CSF1R: variants seen among roughly 807,000 people sequenced by gnomAD.
CSF1R encodes the protein colony stimulating factor 1 receptor.
Under a neutral mutation model 110.0 loss-of-function variants are expected in CSF1R, and 40 were observed. The observed-to-expected ratio is 0.36, with a 90% confidence interval of 0.28 to 0.47. The LOEUF is 0.47. CSF1R is among the 20% of genes least tolerant of loss of function. CSF1R has a pLI of 0.99. For synonymous variants in CSF1R, 523 were observed against 503.4 expected, an observed-to-expected ratio of 1.04 and a Z score of -0.52; for missense variants, 1,052 against 1,253.0, an observed-to-expected ratio of 0.84 and a Z score of 2.42.
Position 150,059,817 on chromosome 5 carries a change from A to T in CSF1R, c.2015T>A (p.Leu672His), listed in dbSNP as rs757995511. 8 of 1,613,988 alleles carry T rather than the reference A, an allele frequency of 5.0e-6. No individual in the cohort carries two copies. The highest frequency in any genetic ancestry group is 6.8e-6 in the Non-Finnish European group (8 of 1,180,036). ...CTCAGCCTTCCTTCGCAGAAAGTTG[A>T]GCAGGTCGCCATAGCAACAGTACTC... ...ITEYCCYGDL[L>H]NFLRRKAEAM... The change falls in exon 14 of 21, where the codon CTC becomes CAC. Residue 672 changes from leucine to histidine, a missense_variant. Leu to His is a moderately conservative substitution (Grantham distance 99). Coordinates refer to ENST00000675795, the MANE Select transcript of CSF1R (RefSeq NM_001288705.3).
At chr5:150,106,615 T>C (rs1291495894) in intron 1 of CSF1R, among the ~76,000 whole-genome samples, 1 of 152,180 alleles carries the variant, frequency 6.6e-6, no homozygotes, top group South Asian at 2.1e-4. Flanking sequence ...AGTGTCTGAA[T>C]TGGAGTACTA....
At chr5:150,055,864 G>A (rs756039673) in intron 18 of CSF1R, among the ~76,000 whole-genome samples, 162 bp downstream of exon 18, 25 of 152,240 alleles carry the variant, frequency 1.6e-4, no homozygotes, top group African/African-American at 5.5e-4. Flanking sequence ...AGGGTCTGCC[G>A]AGTCCCGCAG....
In CSF1R at chr5:150,077,263, C is replaced by T; in HGVS notation, c.889+13G>A. ...GATCCCTACCGACTGTCCACCACCACCCTGATGCTTACCTACCACCCGGAA... is the reference window on the plus strand; with the variant it reads ...GATCCCTACCGACTGTCCACCACCATCCTGATGCTTACCTACCACCCGGAA... On this transcript the variant is annotated intron_variant, in intron 5 of 20. Transcript: ENST00000675795. The T allele has an allele frequency of 6.2e-7, 1 of 1,614,196 alleles. No homozygotes were observed. Among genetic ancestry groups the T allele is most frequent in the Non-Finnish European group, 8.5e-7 (1 of 1,180,008 alleles).
upstream of CSF1R, chr5:150,086,671 C>T (rs34177503): frequency 1.4e-3 from 690 of 477,090 alleles, 3 homozygotes; most frequent in Non-Finnish European, 2.0e-3. Flanking sequence ...AAGCCTTGAA[C>T]CCAAGAGGGA....
intron 16 of CSF1R, among the ~76,000 whole-genome samples, chr5:150,056,625 C>T (rs911966467): frequency 1.3e-5 from 2 of 152,118 alleles, no homozygotes; most frequent in South Asian, 2.1e-4. Flanking sequence ...GCCCCAGAAG[C>T]GAAGGGCTTC....
intron 10 of CSF1R, among the ~76,000 whole-genome samples, chr5:150,065,200 C>G (rs1757707388): frequency 6.6e-6 from 1 of 152,168 alleles, no homozygotes; most frequent in Admixed American, 6.5e-5. Context: ...CGGTCCCCTC[C>G]CCATCTAGGC....
At position 150,056,017 on chromosome 5, in the gene CSF1R, G is replaced by C. The variant is rs1757196841; in HGVS notation, c.2554+9C>G. 5.0e-6 allele frequency: 8 copies of C among 1,612,892 alleles called. No homozygotes were observed. The highest frequency in any genetic ancestry group is 6.8e-6 in the Non-Finnish European group (8 of 1,178,976). On this transcript the variant is annotated intron_variant, in intron 18 of 20. Coordinates refer to ENST00000675795, the MANE Select transcript of CSF1R (RefSeq NM_001288705.3). ...CCAGGCTCTGCCTGGAGTGGGCCCA[G>C]TGGCTCACCAAGTGAGAAGATCTCC... is the stretch of plus-strand genomic sequence containing the variant.
chr5:150,089,187 C>T (rs1229001288), upstream of CSF1R, among the ~76,000 whole-genome samples: 2 of 152,210 alleles, frequency 1.3e-5, no homozygotes, highest in African/African-American at 4.8e-5. Context: ...CTCGCCACTT[C>T]TGTTCAACAT....
intron 5 of CSF1R, among the ~76,000 whole-genome samples, chr5:150,074,842 T>TACAC (rs5872157): frequency 2.6e-5 from 4 of 151,786 alleles, no homozygotes; most frequent in African/African-American, 9.7e-5. Flanking sequence ...TCTTCCTTCC[T>TACAC]ACACACACAC....
At chr5:150,069,169 C>T (rs1387132064) in intron 9 of CSF1R, among the ~76,000 whole-genome samples, 1 of 152,198 alleles carries the variant, frequency 6.6e-6, no homozygotes, top group African/African-American at 2.4e-5. Context: ...GCTCCAAGGC[C>T]AGCAGCTGGG....
In CSF1R at chr5:150,080,970, C is replaced by G. The variant is rs1397361181; in HGVS notation, c.104G>C (p.Gly35Ala). 1.2e-6 allele frequency: 2 copies of G among 1,614,120 alleles called. No homozygotes were observed. The highest frequency in any genetic ancestry group is 1.3e-5 in the African/African-American group (1 of 75,062). Residue 35 changes from glycine (G) to alanine (A), a missense_variant, in exon 2 of 21, where the codon GGA becomes GCA. Transcript: ENST00000675795. ...PSVPELVVKP[G>A]ATVTLRCVGN... is the part of the protein sequence containing the mutation. Reference sequence around the variant, plus strand: ...CACACATCGCAAGGTCACCGTTGCTCCTGGCTTCACGACCAGCTCAGGGAC... The same window carrying G: ...CACACATCGCAAGGTCACCGTTGCTGCTGGCTTCACGACCAGCTCAGGGAC...
chr5:150,059,942 G>T, intron 13 of CSF1R, 80 bp from the exon 14 acceptor site: 1 of 1,487,890 alleles, frequency 6.7e-7, no homozygotes. Context: ...TGGGGGCAGT[G>T]AGGCCACTGG....
intron 1 of CSF1R, among the ~76,000 whole-genome samples, chr5:150,083,949 G>A (rs992048371): frequency 5.9e-5 from 9 of 152,126 alleles, no homozygotes; most frequent in Admixed American, 3.3e-4. Context: ...TAAAGCCCTC[G>A]AATTCATCCA....
rs577425911 is a variant in CSF1R, at chr5:150,086,408, A to C, written c.20T>G (p.Leu7Arg). The part of the protein sequence containing the change: MGPGVL[L>R]LLLVATAWHG... ...CCAAGCTGTGGCCACCAGCAGGAGC[A>C]GCAGAACTCCTGGGCCCATGGCCTC... Residue 7 changes from leucine to arginine, a missense_variant, in exon 1 of 21, where the codon CTG (leucine) becomes CGG (arginine). Coordinates refer to ENST00000675795, the MANE Select transcript of CSF1R (RefSeq NM_001288705.3). The C allele has an allele frequency of 2.5e-6, 4 of 1,610,692 alleles. No individual in the cohort carries two copies. In the African/African-American group the frequency reaches 5.3e-5, roughly 21 times the overall value.
At chr5:150,085,076 C>T (rs552898183) in intron 1 of CSF1R, among the ~76,000 whole-genome samples, 2 of 152,028 alleles carry the variant, frequency 1.3e-5, no homozygotes, top group African/African-American at 4.8e-5. Context: ...GTCAGGAGTT[C>T]GAGACCAGCT....
At chr5:150,090,332 T>A (rs146020351), upstream of CSF1R, among the ~76,000 whole-genome samples, 3,656 of 152,204 alleles carry the variant, frequency 0.024, 53 homozygotes, top group South Asian at 0.059. Context: ...TGGTGCATAG[T>A]TCTATGAGTT....
At chr5:150,106,508 C>T (rs1335028878) in intron 1 of CSF1R, among the ~76,000 whole-genome samples, 1 of 152,126 alleles carries the variant, frequency 6.6e-6, no homozygotes, top group Non-Finnish European at 1.5e-5. Context: ...AGCCAGGGAC[C>T]CAGACAGAAT....
chr5:150,082,989 C>A (rs1437863566), intron 1 of CSF1R, among the ~76,000 whole-genome samples: 4 of 152,148 alleles, frequency 2.6e-5, no homozygotes, highest in African/African-American at 7.2e-5. Flanking sequence ...TCTCTCTAGA[C>A]CCTGCCTTGG....
rs781093646 is a variant in CSF1R, at chr5:150,054,228, A to G, written c.2764-4T>C. 12 of 1,612,072 alleles carry G rather than the reference A, an allele frequency of 7.4e-6. No homozygotes were observed. The highest frequency in any genetic ancestry group is 1.7e-5 in the Admixed American group (1 of 59,798). ...TGCTCGGCAGATTGGTATAGTCCTG[A>G]GGGTGGGAGGGACCAGAAACTGTCA... On this transcript the variant is annotated splice_region_variant and splice_polypyrimidine_tract_variant and intron_variant, in intron 20 of 20. Transcript: ENST00000675795.
Sources: allele counts gnomAD v4.1 joint callset (sites outside exome capture counted in the v4.1 genomes callset), GRCh38; gene constraint gnomAD v4.1.1; transcripts MANE v1.5; gene names NCBI Gene and HGNC (gene_info 2026-07-23, HGNC 2026-07-21).